The following GULP1 variants were observed in gnomAD, a reference collection of about 807,000 sequenced individuals.
The protein encoded by GULP1 is GULP PTB domain containing engulfment adaptor 1, also known as PTB domain-containing engulfment adapter protein 1.
Under a neutral mutation model 40.9 loss-of-function variants are expected in GULP1, and 19 were observed. The ratio of observed to expected loss-of-function variants is 0.46; its 90% confidence interval spans 0.32 to 0.68. The LOEUF is 0.68. Among genes scored for constraint, GULP1 ranks in the 30% least tolerant of loss-of-function variants. The probability of loss-of-function intolerance (pLI) is 0.03; values close to 1 mark genes in which losing one functional copy is unlikely to be tolerated. For missense variants in GULP1, 312 were observed against 362.2 expected, an observed-to-expected ratio of 0.86 and a Z score of 1.12; for synonymous variants, 119 against 117.6, an observed-to-expected ratio of 1.01 and a Z score of -0.08.
intron 10 of GULP1, 144 bp downstream of exon 10, chr2:188,584,547 A>T (rs193176687): frequency 5.4e-5 from 22 of 409,256 alleles, no homozygotes; most frequent in African/African-American, 8.2e-5. Context: ...ATTTGTATAA[A>T]TTTCCATTAA....
intron 2 of GULP1, among the ~76,000 whole-genome samples, chr2:188,401,485 TA>T (rs2052286593): frequency 6.6e-6 from 1 of 152,130 alleles, no homozygotes; most frequent in Non-Finnish European, 1.5e-5. Context: ...ATCCAATTTT[TA>T]TAAGTTGTTA....
At chr2:188,579,069 T>G (rs1700754649) in intron 9 of GULP1, among the ~76,000 whole-genome samples, 1 of 152,144 alleles carries the variant, frequency 6.6e-6, no homozygotes, top group African/African-American at 2.4e-5. Context: ...TATCCATATA[T>G]TTAAATGTGC....
At chr2:188,333,082 A>G (rs763810151) in intron 1 of GULP1, among the ~76,000 whole-genome samples, 1 of 151,866 alleles carries the variant, frequency 6.6e-6, no homozygotes, top group Non-Finnish European at 1.5e-5. Flanking sequence ...TCGTCTCTAC[A>G]AAAAATAAAA....
In GULP1 at chr2:188,436,693, T is replaced by C. The variant is rs893522107; in HGVS notation, c.-44-40966T>C. 1.3e-5 allele frequency among the ~76,000 whole-genome samples: 2 copies of C among 152,152 alleles called. 1 individual carries two copies. Among genetic ancestry groups the C allele is most frequent in the African/African-American group, 4.8e-5 (2 of 41,460 alleles). ...ATATTTTCAGCTATATTTCATAATATGTGCACTAATTTAACAGGTAGTTTA... is the reference window on the plus strand; with the variant it reads ...ATATTTTCAGCTATATTTCATAATACGTGCACTAATTTAACAGGTAGTTTA... On this transcript the variant is annotated intron_variant, in intron 2 of 11. Coordinates refer to ENST00000409830, the MANE Select transcript of GULP1 (RefSeq NM_016315.4).
intron 2 of GULP1, among the ~76,000 whole-genome samples, chr2:188,452,396 G>C (rs181930986): frequency 6.6e-6 from 1 of 152,226 alleles, no homozygotes; most frequent in East Asian, 1.9e-4. Context: ...GCAAAATAAA[G>C]AGATAGATCA....
chr2:188,495,774 G>A (rs984830695), intron 4 of GULP1, among the ~76,000 whole-genome samples: 4 of 151,512 alleles, frequency 2.6e-5, no homozygotes, highest in Non-Finnish European at 4.4e-5. Context: ...CTCATTAAAT[G>A]TTAGTTATTC....
chr2:188,587,417 A>G (rs911305700), intron 10 of GULP1, among the ~76,000 whole-genome samples: 5 of 152,110 alleles, frequency 3.3e-5, no homozygotes, highest in African/African-American at 1.2e-4. Context: ...GAGTAGAGCT[A>G]CTTACAAGTC....
At chr2:188,590,987 A>C (rs1471192088) in intron 11 of GULP1, 1 of 152,116 alleles carries the variant, frequency 6.6e-6, no homozygotes, top group African/African-American at 2.4e-5. Flanking sequence ...TTGAAAAGAA[A>C]ATTTTATAAG....
chr2:188,538,828 CAAAA>C (rs568722014), intron 6 of GULP1, among the ~76,000 whole-genome samples: 1 of 150,734 alleles, frequency 6.6e-6, no homozygotes, highest in Non-Finnish European at 1.5e-5. Context: ...AAGTGACACA[CAAAA>C]AAATCAATCA....
intron 9 of GULP1, among the ~76,000 whole-genome samples, chr2:188,577,202 A>AGT (rs374356341): frequency 1.3e-5 from 2 of 152,118 alleles, no homozygotes; most frequent in South Asian, 2.1e-4. Flanking sequence ...AATTAAACCC[A>AGT]GTGTTAGATA....
At chr2:188,394,356 G>A (rs2050933894) in intron 2 of GULP1, among the ~76,000 whole-genome samples, 1 of 151,774 alleles carries the variant, frequency 6.6e-6, no homozygotes, top group Admixed American at 6.6e-5. Flanking sequence ...CCCTAAATGT[G>A]TCTTTCATTT....
At chr2:188,317,216 A>G (rs1052713137) in intron 1 of GULP1, among the ~76,000 whole-genome samples, 3 of 152,144 alleles carry the variant, frequency 2.0e-5, no homozygotes, top group Non-Finnish European at 2.9e-5. Context: ...GTAATTTTTC[A>G]TGGCTCGTTT....
At chr2:188,558,539 G>C (rs1009474779) in intron 7 of GULP1, among the ~76,000 whole-genome samples, 2 of 152,110 alleles carry the variant, frequency 1.3e-5, no homozygotes, top group Non-Finnish European at 2.9e-5. Context: ...AGTAGAGTGC[G>C]GTGTTGCTGA....
intron 2 of GULP1, among the ~76,000 whole-genome samples, chr2:188,434,380 T>C (rs954938357): frequency 1.3e-5 from 2 of 151,838 alleles, no homozygotes; most frequent in African/African-American, 4.8e-5. Flanking sequence ...TATGTCTCCT[T>C]CTTGGTTATT....
chr2:188,471,428 G>C (rs982907191), intron 2 of GULP1, among the ~76,000 whole-genome samples: 2 of 151,544 alleles, frequency 1.3e-5, no homozygotes, highest in Admixed American at 1.3e-4. Context: ...TGGTTGTTTT[G>C]TGATCTTCTC....
At chr2:188,306,722 C>A (rs1247037225) in intron 1 of GULP1, among the ~76,000 whole-genome samples, 1 of 152,126 alleles carries the variant, frequency 6.6e-6, no homozygotes, top group African/African-American at 2.4e-5. Flanking sequence ...AAAGTTTGTA[C>A]TTCATTCTAA....
intron 4 of GULP1, among the ~76,000 whole-genome samples, chr2:188,487,028 G>C (rs1026953570): frequency 1.3e-5 from 2 of 151,860 alleles, no homozygotes; most frequent in African/African-American, 4.8e-5. Context: ...CAATAGATTA[G>C]GTATTAGATT....
At chr2:188,318,301 T>C (rs1448027784) in intron 1 of GULP1, among the ~76,000 whole-genome samples, 1 of 136,820 alleles carries the variant, frequency 7.3e-6, no homozygotes, top group African/African-American at 2.9e-5. Flanking sequence ...AGAGGGTATA[T>C]AAATTTTTTA....
chr2:188,427,307 C>T, intron 2 of GULP1, among the ~76,000 whole-genome samples: 1 of 152,144 alleles, frequency 6.6e-6, no homozygotes. Context: ...CAGCCTAGCC[C>T]ATTTTCTGGG....
Sources: gnomAD v4.1 joint callset for allele counts (sites outside exome capture counted in the v4.1 genomes callset) on GRCh38, gnomAD v4.1.1 for gene constraint, MANE v1.5 for transcripts, NCBI Gene and HGNC (gene_info 2026-07-23, HGNC 2026-07-21) for gene names.